The following GRK5 variants were observed in gnomAD, a reference collection of about 807,000 sequenced individuals.
The protein encoded by GRK5 is g protein-coupled receptor kinase GRK5.
A neutral mutation model predicts 78.4 loss-of-function variants in GRK5; 40 were observed. The observed-to-expected ratio is 0.51, with a 90% CI of 0.40 to 0.66. The LOEUF (loss-of-function observed/expected upper bound fraction) is 0.66. Among genes scored for constraint, GRK5 ranks in the 30% least tolerant of loss-of-function variants. The probability of loss-of-function intolerance (pLI) is 0.00; values close to 1 mark genes in which losing one functional copy is unlikely to be tolerated. For synonymous variants in GRK5, 289 were observed against 296.8 expected (o/e 0.97, Z 0.27); for missense variants, 598 against 759.9 (o/e 0.79, Z 2.50).
chr10:119,275,856 C>T (rs1849662082), intron 1 of GRK5, among the ~76,000 whole-genome samples: 1 of 152,156 alleles, frequency 6.6e-6, no homozygotes, highest in African/African-American at 2.4e-5. Context: ...CCGAATTCAA[C>T]ATCAGTGAGG....
At chr10:119,208,009 C>G in intron 1 of GRK5, 40 bp downstream of exon 1, 1 of 1,586,916 alleles carries the variant, frequency 6.3e-7, no homozygotes. Flanking sequence ...GCGTCCGCCG[C>G]GGGCCAGGGT....
At position 119,309,224 on chromosome 10, in the gene GRK5, C is replaced by T. The variant is rs1449988280; in HGVS notation, c.53-17292C>T. Among the ~76,000 whole-genome samples the T allele has an allele frequency of 3.9e-5, 6 of 152,372 alleles. No homozygotes were observed. The East Asian group carries it at 1.2e-3, about 29-fold the overall frequency. On this transcript the variant is annotated intron_variant, in intron 1 of 15. Transcript: ENST00000392870. Reference sequence around the variant, plus strand: ...TTGTGCCTCCCCTGTGCCCCCTCAGCCCCTCTTCCTCTAGTATTGTCACCT... The same window carrying T: ...TTGTGCCTCCCCTGTGCCCCCTCAGTCCCTCTTCCTCTAGTATTGTCACCT...
intron 4 of GRK5, among the ~76,000 whole-genome samples, chr10:119,415,081 CAAA>C (rs762165768): frequency 3.2e-3 from 243 of 75,732 alleles, no homozygotes; most frequent in African/African-American, 0.011. Context: ...GACTCTGTCT[CAAA>C]AAAAAAAAAA....
At chr10:119,208,161 C>T (rs958110406) in intron 1 of GRK5, among the ~76,000 whole-genome samples, 192 bp downstream of exon 1, 1 of 152,250 alleles carries the variant, frequency 6.6e-6, no homozygotes, top group African/African-American at 2.4e-5. Context: ...AGAATCTGGA[C>T]TTGGGCTGAG....
At chr10:119,309,327 C>T (rs898688724) in intron 1 of GRK5, among the ~76,000 whole-genome samples, 4 of 152,294 alleles carry the variant, frequency 2.6e-5, no homozygotes, top group African/African-American at 7.2e-5. Context: ...AGTAGGTCCT[C>T]GATATGAGTC....
chr10:119,299,176 C>T (rs988756563), intron 1 of GRK5, among the ~76,000 whole-genome samples: 3 of 152,208 alleles, frequency 2.0e-5, no homozygotes, highest in African/African-American at 7.2e-5. Flanking sequence ...GGCGCAGTGG[C>T]TCACCTCTGT....
At chr10:119,232,167 G>A (rs1026601170) in intron 1 of GRK5, among the ~76,000 whole-genome samples, 3 of 152,204 alleles carry the variant, frequency 2.0e-5, no homozygotes, top group African/African-American at 7.2e-5. Context: ...ATGAAGTCTT[G>A]CCATTCGCAG....
chr10:119,389,225 A>G (rs1176475506), intron 3 of GRK5, among the ~76,000 whole-genome samples: 1 of 152,270 alleles, frequency 6.6e-6, no homozygotes, highest in Admixed American at 6.5e-5. Flanking sequence ...AAATAAAATT[A>G]GTGGGCTATC....
chr10:119,346,187 A>C (rs1851089322), intron 2 of GRK5, among the ~76,000 whole-genome samples: 1 of 152,214 alleles, frequency 6.6e-6, no homozygotes. Context: ...GTACAAAACC[A>C]GTGAGCAAGC....
intron 4 of GRK5, among the ~76,000 whole-genome samples, chr10:119,403,931 A>G (rs771149982): frequency 4.6e-5 from 7 of 152,232 alleles, no homozygotes; most frequent in Non-Finnish European, 1.0e-4. Context: ...CACCGTGTCC[A>G]ACCTGCTTCT....
At chr10:119,321,188 C>G (rs1027506782) in intron 1 of GRK5, among the ~76,000 whole-genome samples, 1 of 152,148 alleles carries the variant, frequency 6.6e-6, no homozygotes, top group Non-Finnish European at 1.5e-5. Flanking sequence ...TTTCATGGCA[C>G]TTTTAGAGGA....
At chr10:119,240,361 C>T (rs538915453) in intron 1 of GRK5, among the ~76,000 whole-genome samples, 7 of 151,864 alleles carry the variant, frequency 4.6e-5, no homozygotes, top group South Asian at 2.1e-4. Context: ...CTACCATGCC[C>T]GGCTAATTTT....
At chr10:119,262,329 GTTTTTTTTTTTTTTT>G (rs149424799) in intron 1 of GRK5, among the ~76,000 whole-genome samples, 1 of 67,532 alleles carries the variant, frequency 1.5e-5, no homozygotes, top group Non-Finnish European at 2.7e-5. Flanking sequence ...TTAACTTTGG[GTTTTTTTTTTTTTTT>G]TTTTTTTTTT....
At chr10:119,432,833 G>T (rs1589807653) in intron 8 of GRK5, among the ~76,000 whole-genome samples, 1 of 152,214 alleles carries the variant, frequency 6.6e-6, no homozygotes, top group African/African-American at 2.4e-5. Flanking sequence ...CACTTTGGGA[G>T]GTCGAGGCAG....
chr10:119,338,048 G>A (rs372826771), intron 2 of GRK5, among the ~76,000 whole-genome samples: 5 of 152,166 alleles, frequency 3.3e-5, no homozygotes, highest in African/African-American at 9.7e-5. Context: ...GAGGTAATGG[G>A]GATTAGGACT....
At chr10:119,391,406 G>A (rs565456382) in intron 3 of GRK5, among the ~76,000 whole-genome samples, 1 of 152,242 alleles carries the variant, frequency 6.6e-6, no homozygotes, top group Non-Finnish European at 1.5e-5. Context: ...CAGGGCATCA[G>A]CCAGGTCCTG....
chr10:119,296,188 A>G (rs544149701), intron 1 of GRK5, among the ~76,000 whole-genome samples: 178 of 152,278 alleles, frequency 1.2e-3, no homozygotes, highest in African/African-American at 3.8e-3. Flanking sequence ...TTGTCCCTTC[A>G]TGTCACAAAA....
At chr10:119,385,045 G>A (rs1474677525) in intron 3 of GRK5, among the ~76,000 whole-genome samples, 1 of 152,092 alleles carries the variant, frequency 6.6e-6, no homozygotes, top group Admixed American at 6.5e-5. Flanking sequence ...TGAATATGTG[G>A]TGAAAGGGTG....
intron 2 of GRK5, among the ~76,000 whole-genome samples, chr10:119,367,757 C>T (rs1851473249): frequency 1.3e-5 from 2 of 152,228 alleles, no homozygotes; most frequent in Non-Finnish European, 2.9e-5. Context: ...GTGCACACGC[C>T]AGGGCTGGCT....
Sources: allele counts gnomAD v4.1 joint callset (sites outside exome capture counted in the v4.1 genomes callset), GRCh38; gene constraint gnomAD v4.1.1; transcripts MANE v1.5; gene names NCBI Gene and HGNC (gene_info 2026-07-23, HGNC 2026-07-21).